PRKCA: variants seen among roughly 807,000 people sequenced by gnomAD.
PRKCA encodes the protein protein kinase C alpha, also known as protein kinase C alpha type.
PRKCA carries 27 observed loss-of-function variants against 87.0 expected under a neutral mutation model. The observed-to-expected ratio is 0.31, with a 90% confidence interval of 0.23 to 0.43. The LOEUF is 0.43. Among genes scored for constraint, PRKCA ranks in the 20% least tolerant of loss-of-function variants. PRKCA has a pLI of 1.00. For missense variants in PRKCA, 518 were observed against 852.3 expected, an observed-to-expected ratio of 0.61 and a Z score of 4.88; for synonymous variants, 329 against 311.1, an observed-to-expected ratio of 1.06 and a Z score of -0.61.
chr17:66,371,836 G>A (rs1909126395), intron 2 of PRKCA, among the ~76,000 whole-genome samples: 1 of 152,178 alleles, frequency 6.6e-6, no homozygotes, highest in African/African-American at 2.4e-5. Context: ...CACCTTCAAA[G>A]TGGTTCTTTG....
At chr17:66,396,056 G>GT (rs10640308) in intron 2 of PRKCA, among the ~76,000 whole-genome samples, 73,046 of 148,804 alleles carry the variant, frequency 0.49, 17,869 homozygotes, top group Middle Eastern at 0.58. Flanking sequence ...GGGTTTAACT[G>GT]TTTTTTTTTT....
intron 3 of PRKCA, among the ~76,000 whole-genome samples, chr17:66,549,146 T>TTG (rs1177279484): frequency 6.6e-6 from 1 of 151,554 alleles, no homozygotes; most frequent in Non-Finnish European, 1.5e-5. Context: ...TGGCAGTTTT[T>TTG]TTTTTTTTTT....
At chr17:66,373,774 G>A (rs993085509) in intron 2 of PRKCA, among the ~76,000 whole-genome samples, 4 of 152,098 alleles carry the variant, frequency 2.6e-5, no homozygotes, top group Admixed American at 6.5e-5. Context: ...CTGTTTTCAC[G>A]ATCACTTTCA....
At chr17:66,378,941 C>T (rs1909634618) in intron 2 of PRKCA, among the ~76,000 whole-genome samples, 1 of 151,576 alleles carries the variant, frequency 6.6e-6, no homozygotes, top group Admixed American at 6.6e-5. Flanking sequence ...GTGGCTTTTA[C>T]TGTCTGGCTT....
chr17:66,626,497 G>A (rs1970860148), intron 3 of PRKCA, among the ~76,000 whole-genome samples: 1 of 151,450 alleles, frequency 6.6e-6, no homozygotes, highest in Admixed American at 6.6e-5. Flanking sequence ...GAGTAGCTGG[G>A]ACTACAGGCA....
chr17:66,385,292 C>A (rs1909996650), intron 2 of PRKCA, among the ~76,000 whole-genome samples: 1 of 152,070 alleles, frequency 6.6e-6, no homozygotes, highest in Non-Finnish European at 1.5e-5. Context: ...ATTTAAATTG[C>A]TCTGATGGTT....
At chr17:66,737,621 C>T (rs931761477) in intron 10 of PRKCA, among the ~76,000 whole-genome samples, 2 of 152,212 alleles carry the variant, frequency 1.3e-5, no homozygotes, top group Non-Finnish European at 2.9e-5. Flanking sequence ...TGCAGCCACC[C>T]GGAGCCTCTG....
At chr17:66,586,052 C>T (rs1969586786) in intron 3 of PRKCA, among the ~76,000 whole-genome samples, 1 of 152,168 alleles carries the variant, frequency 6.6e-6, no homozygotes, top group Non-Finnish European at 1.5e-5. Flanking sequence ...CATGGTTTAA[C>T]ATATTCAATA....
intron 13 of PRKCA, among the ~76,000 whole-genome samples, chr17:66,760,017 C>G (rs1974646993): frequency 6.6e-6 from 1 of 152,156 alleles, no homozygotes; most frequent in South Asian, 2.1e-4. Flanking sequence ...ATAGACATAT[C>G]CCGCAAGGAG....
intron 2 of PRKCA, among the ~76,000 whole-genome samples, chr17:66,335,698 ATG>A: frequency 6.6e-6 from 1 of 152,130 alleles, no homozygotes; most frequent in East Asian, 1.9e-4. Context: ...TATTTTGAAA[ATG>A]TGTTTAATAT....
At chr17:66,398,743 G>A (rs1910832397) in intron 2 of PRKCA, among the ~76,000 whole-genome samples, 1 of 152,120 alleles carries the variant, frequency 6.6e-6, no homozygotes, top group Admixed American at 6.5e-5. Context: ...GGAGGTGGGT[G>A]GCGTCGCGCT....
intron 14 of PRKCA, chr17:66,778,153 C>T: frequency 1.0e-6 from 1 of 985,332 alleles, no homozygotes; most frequent in Non-Finnish European, 1.2e-6. Context: ...CAATATTTCC[C>T]ACACTGCTTC....
intron 8 of PRKCA, among the ~76,000 whole-genome samples, chr17:66,696,885 A>T (rs1054502933): frequency 2.0e-5 from 3 of 152,132 alleles, no homozygotes; most frequent in African/African-American, 7.2e-5. Context: ...TTGAGTGCAT[A>T]CGTGATCGAG....
rs536924583 is a variant in PRKCA, at chr17:66,793,549, C to T, written c.1854+4570C>T. 6.3e-5 allele frequency among the ~76,000 whole-genome samples: 8 copies of T among 126,602 alleles called. No individual in the cohort carries two copies. In the South Asian group the frequency reaches 1.1e-3, roughly 17 times the overall value. 83.1% of individuals were successfully genotyped at this position (126,602 alleles called of 152,430 possible). On this transcript the variant is annotated intron_variant, in intron 16 of 16. Transcript: ENST00000413366. Reference sequence around the variant, plus strand: ...AAGTTGCAGTGAGCCCAGATTGCGTCATTGCACTACAGCCTGGGCGACAAG... The same window carrying T: ...AAGTTGCAGTGAGCCCAGATTGCGTTATTGCACTACAGCCTGGGCGACAAG...
At chr17:66,737,680 C>T (rs1974068385) in intron 10 of PRKCA, among the ~76,000 whole-genome samples, 1 of 152,200 alleles carries the variant, frequency 6.6e-6, no homozygotes, top group South Asian at 2.1e-4. Context: ...TACGTGTCAG[C>T]CTAGCGCTGG....
chr17:66,690,408 A>G (rs532623106), intron 8 of PRKCA, among the ~76,000 whole-genome samples: 1 of 152,260 alleles, frequency 6.6e-6, no homozygotes, highest in African/African-American at 2.4e-5. Context: ...ACCCTGCCCC[A>G]CTCGATGTTT....
intron 8 of PRKCA, among the ~76,000 whole-genome samples, chr17:66,725,217 A>G (rs1340634175): frequency 1.3e-5 from 2 of 152,166 alleles, no homozygotes; most frequent in Non-Finnish European, 2.9e-5. Flanking sequence ...CAGATTATGT[A>G]TGAAGGTGCA....
At chr17:66,381,998 A>C (rs1016369779) in intron 2 of PRKCA, among the ~76,000 whole-genome samples, 8 of 152,262 alleles carry the variant, frequency 5.3e-5, no homozygotes, top group Non-Finnish European at 1.2e-4. Context: ...CAAAATACTA[A>C]ATGTTGTGAG....
chr17:66,374,719 CTTTT>C (rs35431248), intron 2 of PRKCA, among the ~76,000 whole-genome samples: 3 of 115,826 alleles, frequency 2.6e-5, no homozygotes, highest in African/African-American at 9.9e-5. Context: ...GAGTTGCATT[CTTTT>C]TTTTTTTTTT....
Sources: allele counts gnomAD v4.1 joint callset (sites outside exome capture counted in the v4.1 genomes callset), GRCh38; gene constraint gnomAD v4.1.1; transcripts MANE v1.5; gene names NCBI Gene and HGNC (gene_info 2026-07-23, HGNC 2026-07-21).